The following VPS35L variants were observed in gnomAD, a reference collection of about 807,000 sequenced individuals.
VPS35L encodes the protein VPS35 endosomal protein sorting factor like, also known as VPS35 endosomal protein-sorting factor-like.
A neutral mutation model predicts 133.0 loss-of-function variants in VPS35L; 83 were observed. The observed-to-expected ratio is 0.62, with a 90% CI of 0.52 to 0.75. The LOEUF (loss-of-function observed/expected upper bound fraction) is 0.75, where lower values mean the gene tolerates loss of function less well. VPS35L is among the 30% of genes least tolerant of loss of function. The pLI is 0.00. For synonymous variants in VPS35L, 423 were observed against 449.9 expected (o/e 0.94, Z 0.76); for missense variants, 1,083 against 1,206.8 (o/e 0.90, Z 1.52).
chr16:19,580,303 G>A (rs1354406390), intron 6 of VPS35L, among the ~76,000 whole-genome samples: 1 of 149,928 alleles, frequency 6.7e-6, no homozygotes, highest in Non-Finnish European at 1.5e-5. Flanking sequence ...TAGGTGAGAG[G>A]GTTTCACGAT....
intron 26 of VPS35L, among the ~76,000 whole-genome samples, chr16:19,654,203 A>G (rs1362649669): frequency 6.6e-6 from 1 of 151,790 alleles, no homozygotes; most frequent in East Asian, 1.9e-4. Context: ...TCTGCTGGCC[A>G]CTCTAGCTAG....
intron 12 of VPS35L, among the ~76,000 whole-genome samples, chr16:19,615,150 A>G (rs1233892216): frequency 6.6e-6 from 1 of 152,056 alleles, no homozygotes; most frequent in Non-Finnish European, 1.5e-5. Flanking sequence ...GTACAACCCC[A>G]TGTGTGTTTA....
At chr16:19,631,512 T>C (rs1973455862) in intron 18 of VPS35L, among the ~76,000 whole-genome samples, 1 of 152,206 alleles carries the variant, frequency 6.6e-6, no homozygotes. Context: ...ATTTTTATTT[T>C]ACATTTTATT....
chr16:19,565,942 G>A (rs918449470), intron 2 of VPS35L, among the ~76,000 whole-genome samples: 1 of 152,172 alleles, frequency 6.6e-6, no homozygotes, highest in Non-Finnish European at 1.5e-5. Context: ...AGACTTGGCT[G>A]GTTCCTCTCT....
At chr16:19,693,314 G>A (rs1202949580) in intron 29 of VPS35L, among the ~76,000 whole-genome samples, 2 of 152,084 alleles carry the variant, frequency 1.3e-5, no homozygotes, top group Admixed American at 1.3e-4. Context: ...GCAATGAAGA[G>A]AGGTTGGTTA....
At chr16:19,641,014 A>G (rs1973771068) in intron 21 of VPS35L, among the ~76,000 whole-genome samples, 1 of 152,136 alleles carries the variant, frequency 6.6e-6, no homozygotes, top group Non-Finnish European at 1.5e-5. Flanking sequence ...TGCTGGGATT[A>G]TAGGCGTGAG....
Position 19,655,660 on chromosome 16 carries a change from C to G in VPS35L, c.2221+3570C>G, listed in dbSNP as rs1974274234. ...AGGCCTGGTTCTGTTCCTTTGTACA[C>G]ACCGGTGCTGTGCATAGACTGGATT... is the stretch of plus-strand genomic sequence containing the variant. On this transcript the variant is annotated intron_variant, in intron 26 of 30. Transcript: ENST00000417362. Among the ~76,000 whole-genome samples, 4 of 152,308 alleles carry G rather than the reference C, an allele frequency of 2.6e-5. No homozygotes were observed. In the South Asian group the frequency reaches 8.3e-4, roughly 32 times the overall value.
At chr16:19,654,239 A>G (rs1597398142) in intron 26 of VPS35L, among the ~76,000 whole-genome samples, 1 of 151,920 alleles carries the variant, frequency 6.6e-6, no homozygotes, top group Non-Finnish European at 1.5e-5. Flanking sequence ...CTACTCTGTC[A>G]CCCCTGCAGC....
At chr16:19,667,792 G>T (rs993343886) in intron 26 of VPS35L, among the ~76,000 whole-genome samples, 1 of 151,530 alleles carries the variant, frequency 6.6e-6, no homozygotes, top group Non-Finnish European at 1.5e-5. Context: ...GATTATGTTG[G>T]TCTCATTGCC....
intron 14 of VPS35L, among the ~76,000 whole-genome samples, chr16:19,619,277 C>T (rs944553954): frequency 2.2e-4 from 33 of 152,062 alleles, no homozygotes; most frequent in African/African-American, 8.0e-4. Flanking sequence ...GCACTGCTTA[C>T]CTTTTTACTT....
chr16:19,644,965 G>T lies in VPS35L; in HGVS notation c.1929+16G>T, dbSNP rs759335414. ...TATAAAAATGGTAAGTATTAGGGAA[G>T]AAGTTTCAGTGCACTTGGAAGTGTG... On this transcript the variant is annotated intron_variant, in intron 23 of 30. Transcript: ENST00000417362. 6 of 1,541,816 alleles carry T rather than the reference G, an allele frequency of 3.9e-6. No individual in the cohort carries two copies. Among genetic ancestry groups the T allele is most frequent in the Non-Finnish European group, 4.5e-6 (5 of 1,118,260 alleles).
chr16:19,633,273 T>G lies in VPS35L; in HGVS notation c.1635+101T>G, dbSNP rs1234204252. The stretch of plus-strand genomic sequence containing the variant: ...GTCAGGCTATAAAGGCACATAATCC[T>G]GTGTTTGAATCATAGCTCTGCCATA... On this transcript the variant is annotated intron_variant, in intron 19 of 30. Coordinates refer to ENST00000417362, the MANE Select transcript of VPS35L (RefSeq NM_020314.7). The surrounding 1 kb of genome is among the most constrained non-coding windows in gnomAD (Gnocchi z 4.1). 2 of 1,056,220 alleles carry G rather than the reference T, an allele frequency of 1.9e-6. No individual in the cohort carries two copies. The allele number at this position is 1,056,220 out of a possible 1,614,324, so 65.4% of individuals were successfully genotyped here.
chr16:19,682,365 G>A lies in VPS35L; in HGVS notation c.2502G>A (p.Glu834=). The A allele has an allele frequency of 6.2e-7, 1 of 1,614,228 alleles. No homozygotes were observed. Among genetic ancestry groups the A allele is most frequent in the Non-Finnish European group, 8.5e-7 (1 of 1,180,036 alleles). Reference sequence around the variant, plus strand: ...ATCTCCTCTCCGCCATGAGCCAGGAGACGTACCTTTACCACATAGACAAAG... The same window carrying A: ...ATCTCCTCTCCGCCATGAGCCAGGAAACGTACCTTTACCACATAGACAAAG... ...VLHLLSAMSQ[E]TYLYHIDKVD... The change falls in exon 28 of 31, where the codon GAG becomes GAA. Residue 834 remains glutamate (E), a synonymous_variant. Transcript: ENST00000417362.
chr16:19,627,174 T>C (rs1057421149), intron 15 of VPS35L, among the ~76,000 whole-genome samples: 3 of 151,838 alleles, frequency 2.0e-5, no homozygotes, highest in African/African-American at 7.3e-5. Flanking sequence ...TCTCAGTTAC[T>C]TGGGAGGCTG....
chr16:19,630,699 T>C (rs1016818817), intron 18 of VPS35L, among the ~76,000 whole-genome samples: 8 of 152,082 alleles, frequency 5.3e-5, no homozygotes, highest in Non-Finnish European at 1.2e-4. Context: ...AAAATTCATA[T>C]GTTGAAATCC....
At chr16:19,559,758 C>T (rs1970969105) in intron 1 of VPS35L, among the ~76,000 whole-genome samples, 1 of 152,056 alleles carries the variant, frequency 6.6e-6, no homozygotes, top group Admixed American at 6.6e-5. Context: ...GTAATCTCAG[C>T]TCACTGCAAC....
chr16:19,638,048 T>C (rs1419963870), intron 20 of VPS35L, among the ~76,000 whole-genome samples: 1 of 152,178 alleles, frequency 6.6e-6, no homozygotes, highest in Non-Finnish European at 1.5e-5. Flanking sequence ...CATTGACTAG[T>C]AGTTGTTTCA....
intron 14 of VPS35L, among the ~76,000 whole-genome samples, chr16:19,623,157 C>G (rs1027012721): frequency 5.9e-5 from 9 of 152,182 alleles, no homozygotes; most frequent in African/African-American, 1.7e-4. Context: ...GGAACGAGAG[C>G]CACTGTGATT....
rs138859763 is a variant in VPS35L at position 19,668,335 on chromosome 16, G to C, written c.2222-825G>C. ...TTTTGACCTTGAGGCTTTTTCTCACGGTCAATACCTTGGCAGTTTTAGAAA... is the reference window on the plus strand; with the variant it reads ...TTTTGACCTTGAGGCTTTTTCTCACCGTCAATACCTTGGCAGTTTTAGAAA... On this transcript the variant is annotated intron_variant, in intron 26 of 30. Coordinates refer to ENST00000417362, the MANE Select transcript of VPS35L (RefSeq NM_020314.7). Among the ~76,000 whole-genome samples the C allele has an allele frequency of 7.6e-3, 1,150 of 152,092 alleles. 14 individuals are homozygous for C. The highest frequency in any genetic ancestry group is 0.024 in the Middle Eastern group (7 of 294).
Sources: allele counts gnomAD v4.1 joint callset (sites outside exome capture counted in the v4.1 genomes callset), GRCh38; gene constraint gnomAD v4.1.1; non-coding constraint Gnocchi (gnomAD v3.1); transcripts MANE v1.5; gene names NCBI Gene and HGNC (gene_info 2026-07-23, HGNC 2026-07-21).